Variants in PPP1R12B observed in about 807,000 individuals in gnomAD.
The protein encoded by PPP1R12B is myosin phosphatase target subunit 2.
In PPP1R12B, 76 loss-of-function variants were observed where a neutral mutation model predicts 126.1. The observed-to-expected ratio is 0.60, with a 90% CI of 0.50 to 0.73. The LOEUF (loss-of-function observed/expected upper bound fraction) is 0.73. PPP1R12B is among the 30% of genes least tolerant of loss of function. The probability of loss-of-function intolerance (pLI) is 0.00; values close to 1 mark genes in which losing one functional copy is unlikely to be tolerated. For synonymous variants in PPP1R12B, 356 were observed against 434.7 expected, an observed-to-expected ratio of 0.82 and a Z score of 2.25; for missense variants, 1,052 against 1,205.1, an observed-to-expected ratio of 0.87 and a Z score of 1.88.
intron 9 of PPP1R12B, among the ~76,000 whole-genome samples, chr1:202,436,303 C>CTT (rs1164805737): frequency 4.7e-4 from 72 of 152,096 alleles, no homozygotes; most frequent in African/African-American, 1.6e-3. Context: ...AACACACACA[C>CTT]ATTCTACTTT....
At chr1:202,376,787 G>A (rs796212332) in intron 1 of PPP1R12B, among the ~76,000 whole-genome samples, 64 of 152,240 alleles carry the variant, frequency 4.2e-4, no homozygotes, top group African/African-American at 1.4e-3. Context: ...ACTAACCAGA[G>A]TTCATCAGAG....
chr1:202,528,893 T>C (rs547673511), intron 18 of PPP1R12B, among the ~76,000 whole-genome samples: 1 of 152,298 alleles, frequency 6.6e-6, no homozygotes, highest in African/African-American at 2.4e-5. Flanking sequence ...TTTTATGTCA[T>C]CTTCAGAGCT....
chr1:202,578,931 TAAAA>T (rs1689340060), intron 23 of PPP1R12B, among the ~76,000 whole-genome samples: 1 of 152,234 alleles, frequency 6.6e-6, no homozygotes, highest in African/African-American at 2.4e-5. Context: ...CCACGTGTAA[TAAAA>T]GAATGATCTT....
intron 18 of PPP1R12B, among the ~76,000 whole-genome samples, chr1:202,538,068 G>A (rs193075796): frequency 6.6e-5 from 10 of 152,300 alleles, no homozygotes; most frequent in Admixed American, 2.6e-4. Flanking sequence ...AAGGCTTACC[G>A]CAACCTCTGC....
Position 202,495,458 on chromosome 1 carries a change from A to G in PPP1R12B, c.2311A>G (p.Thr771Ala), listed in dbSNP as rs774374772. The G allele has an allele frequency of 6.2e-7, 1 of 1,607,424 alleles. No individual in the cohort carries two copies. Among genetic ancestry groups the G allele is most frequent in the Non-Finnish European group, 8.5e-7 (1 of 1,176,830 alleles). The part of the protein sequence containing the change: ...ESSETTTNTT[T>A]AKEMDKNENE... ...TTCAGAGACTACCACAAACACTACA[A>G]CTGCAAAGGAAATGGACAAAAATGG... is the stretch of plus-strand genomic sequence containing the variant. Residue 771 changes from threonine to alanine, a missense_variant, in exon 16 of 24, where the codon ACT (threonine) becomes GCT (alanine). Coordinates refer to ENST00000608999, the MANE Select transcript of PPP1R12B (RefSeq NM_002481.4).
chr1:202,539,584 C>A (rs1328384376), intron 18 of PPP1R12B, among the ~76,000 whole-genome samples: 2 of 152,128 alleles, frequency 1.3e-5, no homozygotes, highest in Non-Finnish European at 2.9e-5. Flanking sequence ...AGTTGTTTGA[C>A]CTGATTTTAT....
chr1:202,555,241 G>A (rs574963194), intron 18 of PPP1R12B, among the ~76,000 whole-genome samples: 2 of 134,326 alleles, frequency 1.5e-5, no homozygotes, highest in South Asian at 4.8e-4. Context: ...AAAAAGTAAA[G>A]CAATGGAAAT....
At chr1:202,451,827 G>A (rs1196372157) in intron 13 of PPP1R12B, among the ~76,000 whole-genome samples, 1 of 151,714 alleles carries the variant, frequency 6.6e-6, no homozygotes, top group Non-Finnish European at 1.5e-5. Context: ...CCCGGACGGG[G>A]CAGCTGGCCT....
chr1:202,572,482 G>A (rs748096715), intron 23 of PPP1R12B, among the ~76,000 whole-genome samples: 1 of 152,172 alleles, frequency 6.6e-6, no homozygotes, highest in Non-Finnish European at 1.5e-5. Context: ...GAGATGTGTT[G>A]TGCCTTTCTG....
intron 3 of PPP1R12B, 91 bp from the exon 4 acceptor site, chr1:202,425,475 G>GTTTATGA (rs1302473763): frequency 7.4e-7 from 1 of 1,343,430 alleles, no homozygotes; most frequent in Non-Finnish European, 1.0e-6. Flanking sequence ...TTGTATTTAT[G>GTTTATGA]TTTATGATGT....
chr1:202,491,174 G>T (rs1219470488), intron 14 of PPP1R12B, among the ~76,000 whole-genome samples: 1 of 152,082 alleles, frequency 6.6e-6, no homozygotes, highest in Non-Finnish European at 1.5e-5. Flanking sequence ...ACGCAGGCCG[G>T]GGTGCAATGG....
intron 1 of PPP1R12B, among the ~76,000 whole-genome samples, chr1:202,366,000 C>G (rs1659157686): frequency 6.6e-6 from 1 of 151,190 alleles, no homozygotes. Flanking sequence ...TCCACTCCCG[C>G]CCCCCCACAA....
chr1:202,481,960 A>G (rs1677443409), intron 13 of PPP1R12B, among the ~76,000 whole-genome samples: 1 of 151,536 alleles, frequency 6.6e-6, no homozygotes, highest in African/African-American at 2.4e-5. Context: ...ACCTTTTTTT[A>G]GATTGCACAT....
At chr1:202,455,201 TATATAG>T (rs912050054) in intron 13 of PPP1R12B, among the ~76,000 whole-genome samples, 1 of 122,730 alleles carries the variant, frequency 8.1e-6, no homozygotes. Context: ...TACATATATA[TATATAG>T]AGAGAGAGAG....
chr1:202,365,247 T>G (rs1289880061), intron 1 of PPP1R12B, among the ~76,000 whole-genome samples: 1 of 151,928 alleles, frequency 6.6e-6, no homozygotes, highest in Admixed American at 6.6e-5. Flanking sequence ...GCCAGGAGTT[T>G]GAGACCAGCC....
chr1:202,377,319 C>CTT (rs775692123), intron 1 of PPP1R12B, among the ~76,000 whole-genome samples: 4 of 141,810 alleles, frequency 2.8e-5, no homozygotes, highest in Non-Finnish European at 6.2e-5. Flanking sequence ...AGGGTAGTAT[C>CTT]TTTTTTTTTT....
chr1:202,511,636 T>TA (rs1478639538), intron 18 of PPP1R12B, among the ~76,000 whole-genome samples: 2 of 152,128 alleles, frequency 1.3e-5, no homozygotes, highest in African/African-American at 4.8e-5. Flanking sequence ...AGTGAGAACA[T>TA]ACGATATTTG....
intron 7 of PPP1R12B, among the ~76,000 whole-genome samples, chr1:202,431,128 T>C (rs1282395309): frequency 1.3e-5 from 2 of 152,014 alleles, no homozygotes; most frequent in Non-Finnish European, 2.9e-5. Flanking sequence ...TCAGAGACAA[T>C]GTCTATTTTG....
At position 202,416,852 on chromosome 1, in the gene PPP1R12B, G is replaced by C; in HGVS notation, c.357G>C (p.Gln119His). The stretch of plus-strand genomic sequence containing the variant: ...TGGAGAACAGAGCCAATGTAAACCA[G>C]CAAGACAACGAGGGCTGGACACCCC... ...FLVENRANVNQQDNEGWTPLH... is the reference protein window; with the variant it reads ...FLVENRANVNHQDNEGWTPLH... The change falls in exon 2 of 24, where the codon CAG becomes CAC. Residue 119 changes from glutamine to histidine, a missense_variant. Physicochemically the swap from Gln to His is conservative, Grantham distance 24. Transcript: ENST00000608999. 1 of 1,614,082 alleles carries C rather than the reference G, an allele frequency of 6.2e-7. No homozygotes were observed. Among genetic ancestry groups the C allele is most frequent in the Non-Finnish European group, 8.5e-7 (1 of 1,179,968 alleles).
Sources: gnomAD v4.1 joint callset for allele counts (sites outside exome capture counted in the v4.1 genomes callset) on GRCh38, gnomAD v4.1.1 for gene constraint, MANE v1.5 for transcripts, NCBI Gene and HGNC (gene_info 2026-07-23, HGNC 2026-07-21) for gene names.